The following SGK3 variants were observed in gnomAD, a reference collection of about 807,000 sequenced individuals.
The protein encoded by SGK3 is serum/glucocorticoid regulated kinase family member 3.
A neutral mutation model predicts 68.5 loss-of-function variants in SGK3; 47 were observed. The ratio of observed to expected loss-of-function variants is 0.69; its 90% confidence interval spans 0.54 to 0.87. The LOEUF is 0.87. Among genes scored for constraint, SGK3 ranks in the 40% least tolerant of loss-of-function variants. The probability of loss-of-function intolerance (pLI) is 0.00; values close to 1 mark genes in which losing one functional copy is unlikely to be tolerated. For synonymous variants in SGK3, 181 were observed against 189.1 expected (o/e 0.96, Z 0.35); for missense variants, 479 against 575.5 (o/e 0.83, Z 1.72).
At chr8:66,724,663 G>T (rs1293146593) in intron 1 of SGK3, among the ~76,000 whole-genome samples, 1 of 152,198 alleles carries the variant, frequency 6.6e-6, no homozygotes, top group Non-Finnish European at 1.5e-5. Flanking sequence ...ATTATTTATT[G>T]CTTTCACTGG....
chr8:66,798,879 A>T (rs1310625065), intron 3 of SGK3, among the ~76,000 whole-genome samples: 2 of 152,222 alleles, frequency 1.3e-5, no homozygotes, highest in Non-Finnish European at 2.9e-5. Context: ...TTAATGTCAT[A>T]GAAAATTATA....
chr8:66,840,941 C>CAA (rs200796293), intron 12 of SGK3, 83 bp from the exon 13 acceptor site: 4,046 of 758,486 alleles, frequency 5.3e-3, no homozygotes, highest in South Asian at 6.1e-3. Context: ...GACTCTGTTT[C>CAA]AAAAAAAAAA....
At chr8:66,830,921 G>A (rs954815927) in intron 7 of SGK3, among the ~76,000 whole-genome samples, 2 of 152,124 alleles carry the variant, frequency 1.3e-5, no homozygotes, top group African/African-American at 4.8e-5. Context: ...AATAAAATTG[G>A]TTTAGATAGA....
At chr8:66,729,512 T>G (rs1805081992) in intron 1 of SGK3, among the ~76,000 whole-genome samples, 1 of 152,132 alleles carries the variant, frequency 6.6e-6, no homozygotes, top group Non-Finnish European at 1.5e-5. Context: ...CATATTTTGC[T>G]TATTCATTCA....
chr8:66,811,666 A>G (rs1808387608), intron 4 of SGK3, among the ~76,000 whole-genome samples: 1 of 152,270 alleles, frequency 6.6e-6, no homozygotes, highest in South Asian at 2.1e-4. Flanking sequence ...GCTATAGCTC[A>G]CTGAAGAAAG....
Position 66,822,406 on chromosome 8 carries a change from C to A in SGK3, c.364C>A (p.Pro122Thr), listed in dbSNP as rs1461380916. 4 of 1,610,884 alleles carry A rather than the reference C, an allele frequency of 2.5e-6. No individual in the cohort carries two copies. Among genetic ancestry groups the A allele is most frequent in the Middle Eastern group, 1.7e-4 (1 of 6,050 alleles). Residue 122 changes from proline to threonine, a missense_variant, in exon 6 of 17, where the codon CCA becomes ACA. By Grantham distance (38) the Pro-to-Thr change is conservative. Coordinates refer to ENST00000521198, the MANE Select transcript of SGK3 (RefSeq NM_001033578.3). ...CAGAGCATTCCTTCAAATGGACAGT[C>A]CAAAACACCAGTCAGATCCATCTGA... ...DVRAFLQMDSPKHQSDPSEDE... is the reference protein window; with the variant it reads ...DVRAFLQMDSTKHQSDPSEDE...
chr8:66,785,118 C>A (rs1287729861), intron 1 of SGK3, among the ~76,000 whole-genome samples: 1 of 152,248 alleles, frequency 6.6e-6, no homozygotes, highest in Non-Finnish European at 1.5e-5. Context: ...ATCTGCTTTT[C>A]CTGTGCGTGA....
chr8:66,767,429 A>G (rs754446639), intron 1 of SGK3: 2 of 1,363,230 alleles, frequency 1.5e-6, no homozygotes, highest in Non-Finnish European at 2.1e-6. Flanking sequence ...ACAGGTGGCA[A>G]TTCAACATCC....
intron 14 of SGK3, 125 bp from the exon 15 acceptor site, chr8:66,847,068 C>T: frequency 2.2e-6 from 3 of 1,362,994 alleles, no homozygotes; most frequent in Non-Finnish European, 3.0e-6. Context: ...CTGCAGGTGT[C>T]TACACGTCCC....
chr8:66,743,156 A>G (rs746334150), intron 1 of SGK3, among the ~76,000 whole-genome samples: 2 of 152,220 alleles, frequency 1.3e-5, no homozygotes, highest in Non-Finnish European at 2.9e-5. Context: ...GTTGCAACCC[A>G]TTAGTGACTC....
At chr8:66,798,772 C>T (rs1300023534) in intron 3 of SGK3, 147 bp downstream of exon 3, 1 of 648,374 alleles carries the variant, frequency 1.5e-6, no homozygotes, top group Non-Finnish European at 2.4e-6. Flanking sequence ...TCAAAAACAT[C>T]CTAACTTTGG....
intron 1 of SGK3, among the ~76,000 whole-genome samples, chr8:66,785,699 C>G (rs1458985188): frequency 6.6e-6 from 1 of 152,210 alleles, no homozygotes; most frequent in Non-Finnish European, 1.5e-5. Flanking sequence ...ATTCACCGTT[C>G]CTCCTAAGAT....
intron 2 of SGK3, among the ~76,000 whole-genome samples, chr8:66,797,292 G>T (rs1187114730): frequency 6.6e-6 from 1 of 152,172 alleles, no homozygotes; most frequent in Non-Finnish European, 1.5e-5. Context: ...TTCTAGGCTT[G>T]TCTGATCCCA....
intron 1 of SGK3, among the ~76,000 whole-genome samples, chr8:66,764,721 T>A (rs1806266412): frequency 6.6e-6 from 1 of 152,176 alleles, no homozygotes; most frequent in South Asian, 2.1e-4. Flanking sequence ...CCTTGGCAAC[T>A]ACCAATCTGT....
At chr8:66,769,396 G>A (rs1388674186) in intron 1 of SGK3, among the ~76,000 whole-genome samples, 1 of 152,094 alleles carries the variant, frequency 6.6e-6, no homozygotes, top group African/African-American at 2.4e-5. Context: ...GCTAATTTTT[G>A]TATTTTTGGT....
chr8:66,720,770 CA>C (rs1229858833), intron 1 of SGK3, among the ~76,000 whole-genome samples: 4 of 129,728 alleles, frequency 3.1e-5, no homozygotes, highest in South Asian at 2.3e-4. Flanking sequence ...AACTCTGTCT[CA>C]AAAAAAAAAT....
intron 1 of SGK3, among the ~76,000 whole-genome samples, chr8:66,777,544 T>G (rs2130509909): frequency 6.6e-6 from 1 of 152,346 alleles, no homozygotes; most frequent in East Asian, 1.9e-4. Flanking sequence ...TTCTTTCTTC[T>G]ACCTTTGTAC....
chr8:66,798,520 A>G, intron 2 of SGK3, 22 bp from the exon 3 acceptor site: 2 of 1,590,096 alleles, frequency 1.3e-6, no homozygotes, highest in African/African-American at 1.3e-5. Context: ...GTGTTATATT[A>G]TGTAATTTTT....
chr8:66,837,380 A>C (rs2130712884), intron 10 of SGK3, among the ~76,000 whole-genome samples: 1 of 152,360 alleles, frequency 6.6e-6, no homozygotes, highest in East Asian at 1.9e-4. Context: ...ACTGTAAGGA[A>C]AATTAGTTAA....
Sources: gnomAD v4.1 joint callset for allele counts (sites outside exome capture counted in the v4.1 genomes callset) on GRCh38, gnomAD v4.1.1 for gene constraint, MANE v1.5 for transcripts, NCBI Gene and HGNC (gene_info 2026-07-23, HGNC 2026-07-21) for gene names.